The following TENM2 variants were observed in gnomAD, a reference collection of about 807,000 sequenced individuals.
TENM2 encodes the protein teneurin transmembrane protein 2, also known as teneurin-2.
Under a neutral mutation model 245.2 loss-of-function variants are expected in TENM2, and 52 were observed. The ratio of observed to expected loss-of-function variants is 0.21; its 90% CI spans 0.17 to 0.27. The LOEUF is 0.27. Ranked by LOEUF, TENM2 falls within the 10% of genes least tolerant of loss-of-function variation. The pLI is 1.00. For synonymous variants in TENM2, 1,363 were observed against 1,438.9 expected (o/e 0.95, Z 1.19); for missense variants, 3,046 against 3,666.8 (o/e 0.83, Z 4.37).
the TENM2 span, among the ~76,000 whole-genome samples, chr5:167,115,078 G>A: frequency 6.6e-6 from 1 of 152,210 alleles, no homozygotes; most frequent in East Asian, 1.9e-4. Context: ...AGACCTTGAA[G>A]CTGAGATCCA....
intron 4 of TENM2, among the ~76,000 whole-genome samples, chr5:167,985,464 T>C (rs1415028681): frequency 6.6e-6 from 1 of 152,232 alleles, no homozygotes; most frequent in Non-Finnish European, 1.5e-5. Context: ...AGACTTTTGC[T>C]GTATTTCAAA....
rs964503032 is a variant in TENM2, at chr5:167,482,784, G to A, written c.502+107311G>A. On this transcript the variant is annotated intron_variant, in intron 2 of 28. Transcript: ENST00000518659. ...ACACCAGTAGAACCTCTCTCATAGG[G>A]CAACAGTTATATTAAGTGAGGTAAT... Among the ~76,000 whole-genome samples the A allele has an allele frequency of 2.0e-5, 3 of 152,118 alleles. No individual in the cohort carries two copies. The East Asian group carries it at 5.8e-4, about 29-fold the overall frequency.
At chr5:167,437,670 A>G (rs1764643165) in intron 2 of TENM2, among the ~76,000 whole-genome samples, 1 of 152,150 alleles carries the variant, frequency 6.6e-6, no homozygotes, top group South Asian at 2.1e-4. Flanking sequence ...TGTCATAGGT[A>G]GAACCCGGTG....
chr5:167,782,760 C>T (rs1441954550), intron 2 of TENM2, among the ~76,000 whole-genome samples: 1 of 152,174 alleles, frequency 6.6e-6, no homozygotes, highest in East Asian at 1.9e-4. Context: ...GAATTAGTAG[C>T]TTTTAATTTT....
At chr5:167,250,305 A>C in the TENM2 span, among the ~76,000 whole-genome samples, 4 of 152,152 alleles carry the variant, frequency 2.6e-5, no homozygotes. Flanking sequence ...TGGGTGACAC[A>C]GTGAGACCTT....
At chr5:167,960,538 C>G (rs1334238636) in intron 4 of TENM2, among the ~76,000 whole-genome samples, 1 of 152,052 alleles carries the variant, frequency 6.6e-6, no homozygotes, top group Non-Finnish European at 1.5e-5. Flanking sequence ...TAGTGGACCC[C>G]CCCTCCCTCC....
the TENM2 span, among the ~76,000 whole-genome samples, chr5:167,143,999 G>A: frequency 3.0e-3 from 455 of 152,146 alleles, 6 homozygotes; most frequent in African/African-American, 0.011. Context: ...TGGCATGACC[G>A]CCCTTCTGTG....
Position 168,224,709 on chromosome 5 carries a change from A to G in TENM2, c.5109-1379A>G, listed in dbSNP as rs544296368. On this transcript the variant is annotated intron_variant, in intron 23 of 28. Transcript: ENST00000518659. ...CCCTGCCAGCTTTTTCCCTCTCCCCAGTCCAAAGGGAGTAACCCGCAGGAG... is the reference window on the plus strand; with the variant it reads ...CCCTGCCAGCTTTTTCCCTCTCCCCGGTCCAAAGGGAGTAACCCGCAGGAG... 1.4e-4 allele frequency among the ~76,000 whole-genome samples: 22 copies of G among 152,172 alleles called. No homozygotes were observed. In the East Asian group the frequency reaches 3.9e-3, roughly 27 times the overall value.
At chr5:167,211,837 A>T in the TENM2 span, among the ~76,000 whole-genome samples, 1 of 152,156 alleles carries the variant, frequency 6.6e-6, no homozygotes. Flanking sequence ...TGTCATATAT[A>T]ATGTATTGAC....
intron 1 of TENM2, among the ~76,000 whole-genome samples, chr5:167,359,086 A>G (rs1759538017): frequency 6.6e-6 from 1 of 152,176 alleles, no homozygotes; most frequent in African/African-American, 2.4e-5. Context: ...CGGTTCTGCC[A>G]CATTCCTTTA....
chr5:167,733,196 C>CACTA (rs1760559723), intron 2 of TENM2, among the ~76,000 whole-genome samples: 1 of 152,086 alleles, frequency 6.6e-6, no homozygotes, highest in Non-Finnish European at 1.5e-5. Flanking sequence ...CTGTAACATC[C>CACTA]ACTAACTCCT....
the TENM2 span, among the ~76,000 whole-genome samples, chr5:167,210,714 C>T: frequency 9.9e-5 from 15 of 152,006 alleles, no homozygotes; most frequent in African/African-American, 3.6e-4. Context: ...CCACCCGCCT[C>T]GGCCTCCCAA....
At chr5:167,709,810 T>G in intron 2 of TENM2, among the ~76,000 whole-genome samples, 1 of 150,900 alleles carries the variant, frequency 6.6e-6, no homozygotes, top group African/African-American at 2.4e-5. Flanking sequence ...AAAGCGAGAG[T>G]GAGAGTGAGA....
chr5:167,155,666 T>G, the TENM2 span, among the ~76,000 whole-genome samples: 1 of 152,164 alleles, frequency 6.6e-6, no homozygotes, highest in Non-Finnish European at 1.5e-5. Context: ...GTTTCCCCAA[T>G]TAAGTACTGA....
intron 2 of TENM2, among the ~76,000 whole-genome samples, chr5:167,864,845 G>T (rs1328345079): frequency 6.6e-6 from 1 of 152,062 alleles, no homozygotes; most frequent in African/African-American, 2.4e-5. Flanking sequence ...ATAATACCTG[G>T]TACCTCATAA....
chr5:167,969,462 T>C (rs1781612565), intron 4 of TENM2, among the ~76,000 whole-genome samples: 1 of 152,216 alleles, frequency 6.6e-6, no homozygotes, highest in Admixed American at 6.5e-5. Context: ...TCTTTCTCTT[T>C]ATAAATTACC....
At chr5:167,971,532 G>C (rs11745279) in intron 4 of TENM2, among the ~76,000 whole-genome samples, 107,431 of 151,840 alleles carry the variant, frequency 0.71, 38,843 homozygotes, top group East Asian at 0.99. Context: ...GAAACTTCGT[G>C]TCTATTAAAA....
chr5:167,772,084 C>T (rs1009049793), intron 2 of TENM2, among the ~76,000 whole-genome samples: 4 of 152,102 alleles, frequency 2.6e-5, no homozygotes, highest in African/African-American at 9.7e-5. Flanking sequence ...ATGAAAGTGG[C>T]ATTTCAGCCA....
In TENM2 at chr5:167,952,551, TG is replaced by T. The variant is rs1780192483; in HGVS notation, c.713-36del. On this transcript the variant is annotated intron_variant, in intron 3 of 28. Transcript: ENST00000518659. ...TTGCAGAGTGCCTGAGACTGGAATT[TG>T]CAGACGCTAACAGTCATTTCTCCTT... 3 of 1,532,822 alleles carry T rather than the reference TG, an allele frequency of 2.0e-6. No homozygotes were observed. The South Asian group carries it at 3.6e-5, about 18-fold the overall frequency. The allele number at this position is 1,532,822 out of a possible 1,614,324, so 95.0% of individuals were successfully genotyped here. A position where few individuals can be genotyped will look rare whatever the true frequency, so the allele number is the denominator to read the frequency against.
Sources: allele counts gnomAD v4.1 joint callset (sites outside exome capture counted in the v4.1 genomes callset), GRCh38; gene constraint gnomAD v4.1.1; transcripts MANE v1.5; gene names NCBI Gene and HGNC (gene_info 2026-07-23, HGNC 2026-07-21).